TMEM184A: variants seen among roughly 807,000 people sequenced by gnomAD.
TMEM184A encodes the protein transmembrane protein 184A, also known as sexually dimorphic, expressed in male gonads 1.
Under a neutral mutation model 39.5 loss-of-function variants are expected in TMEM184A, and 40 were observed. That is an observed-to-expected ratio of 1.01 (90% CI 0.79 to 1.32). The LOEUF is 1.32. Ranked by LOEUF, TMEM184A falls within the 40% of genes most tolerant of loss-of-function variation. The probability of loss-of-function intolerance (pLI) is 0.00; values close to 1 mark genes in which losing one functional copy is unlikely to be tolerated. For synonymous variants in TMEM184A, 280 were observed against 252.3 expected (o/e 1.11, Z -1.04); for missense variants, 603 against 568.8 (o/e 1.06, Z -0.61).
intron 4 of TMEM184A, 44 bp downstream of exon 4, chr7:1,550,261 T>G: frequency 1.9e-6 from 3 of 1,609,136 alleles, no homozygotes; most frequent in Non-Finnish European, 2.5e-6. Flanking sequence ...GGGCTCCCTG[T>G]CCCAGGTGTG....
At position 1,546,768 on chromosome 7, in the gene TMEM184A, C is replaced by T; in HGVS notation, c.*184G>A. 3.7e-6 allele frequency: 2 copies of T among 537,748 alleles called. No individual in the cohort carries two copies. Among genetic ancestry groups the T allele is most frequent in the East Asian group, 3.2e-5 (1 of 31,274 alleles). The allele number at this position is 537,748 out of a possible 1,614,324, so 33.3% of individuals were successfully genotyped here. On this transcript the variant is annotated 3_prime_UTR_variant, in exon 9 of 9. Coordinates refer to ENST00000297477, the MANE Select transcript of TMEM184A (RefSeq NM_001097620.2). Reference sequence around the variant, plus strand: ...GTGGCGGGCCCACCTGGGTGCCTGCCAGGGCCATCAGGTGCCCTGACCCCC... The same window carrying T: ...GTGGCGGGCCCACCTGGGTGCCTGCTAGGGCCATCAGGTGCCCTGACCCCC...
chr7:1,553,707 T>G (rs1256281912), intron 2 of TMEM184A, among the ~76,000 whole-genome samples: 4 of 152,132 alleles, frequency 2.6e-5, no homozygotes, highest in African/African-American at 7.2e-5. Flanking sequence ...AGGGACGGCA[T>G]GACCAGCCAT....
chr7:1,550,456 GC>G, intron 3 of TMEM184A, 61 bp from the exon 4 acceptor site: 2 of 1,412,122 alleles, frequency 1.4e-6, no homozygotes. Flanking sequence ...ACCCCATGGC[GC>G]CCATCTCACC....
chr7:1,554,143 C>G (rs1416917162), intron 2 of TMEM184A, among the ~76,000 whole-genome samples: 2 of 152,164 alleles, frequency 1.3e-5, no homozygotes, highest in Non-Finnish European at 2.9e-5. Context: ...GTTCACAGCT[C>G]ACTGCAACCT....
Position 1,550,950 on chromosome 7 carries a change from TG to T in TMEM184A, c.251del (p.Pro84HisfsTer53), listed in dbSNP as rs1188820415. 1 of 1,613,162 alleles carries T rather than the reference TG, an allele frequency of 6.2e-7. No homozygotes were observed. The highest frequency in any genetic ancestry group is 1.1e-5 in the South Asian group (1 of 91,062). On this transcript the variant is annotated frameshift_variant, in exon 3 of 9. Transcript: ENST00000297477. LOFTEE classifies it high-confidence loss of function. Reference protein sequence around the residue: ...IYLHLRSYTVPQEQRYIIRLL... With the variant: ...IYLHLRSYTVXQEQRYIIRLL... ...GGCGGATGATGTAACGTTGCTCCTG[TG>T]GCACGGTGTAGGAGCGCAGGTGCAG...
In TMEM184A at chr7:1,546,908, C is replaced by G. The variant is rs763347535; in HGVS notation, c.*44G>C. ...GGGGGACCCTGTTCTTCCCCAGAGG[C>G]CTGGGCAGCCTGGGTCCCTACAGCA... On this transcript the variant is annotated 3_prime_UTR_variant, in exon 9 of 9. Transcript: ENST00000297477. 2 of 1,350,588 alleles carry G rather than the reference C, an allele frequency of 1.5e-6. No homozygotes were observed. Among genetic ancestry groups the G allele is most frequent in the Non-Finnish European group, 2.0e-6 (2 of 1,011,922 alleles). The allele number at this position is 1,350,588 out of a possible 1,614,324, so 83.7% of individuals were successfully genotyped here. A position where few individuals can be genotyped will look rare whatever the true frequency, so the allele number is the denominator to read the frequency against.
chr7:1,546,902 C>T lies in TMEM184A; in HGVS notation c.*50G>A. 1 of 1,317,940 alleles carries T rather than the reference C, an allele frequency of 7.6e-7. No homozygotes were observed. Among genetic ancestry groups the T allele is most frequent in the Non-Finnish European group, 1.0e-6 (1 of 986,228 alleles). The allele number at this position is 1,317,940 out of a possible 1,614,324, so 81.6% of individuals were successfully genotyped here. On this transcript the variant is annotated 3_prime_UTR_variant, in exon 9 of 9. Coordinates refer to ENST00000297477, the MANE Select transcript of TMEM184A (RefSeq NM_001097620.2). ...TGGGTGGGGGGACCCTGTTCTTCCC[C>T]AGAGGCCTGGGCAGCCTGGGTCCCT...
At chr7:1,551,049 C>A in intron 2 of TMEM184A, 67 bp from the exon 3 acceptor site, 1 of 395,966 alleles carries the variant, frequency 2.5e-6, no homozygotes. Flanking sequence ...CCAGGTGAGC[C>A]GGGAAGGAGG....
rs2128555549 is a variant in TMEM184A, at chr7:1,555,635, GCCAGGCCCGGC to G, written c.1-162_1-152del. ...CCGCACCCCCCACACGGACACCAGC[GCCAGGCCCGGC>G]TCCCTCCCTGCTCCGAGCTCAGCCA... On this transcript the variant is annotated intron_variant, in intron 1 of 8. Transcript: ENST00000297477. The surrounding 1 kb of genome is among the most constrained non-coding windows in gnomAD (Gnocchi z 5.2). The G allele has an allele frequency of 1.5e-6, 1 of 683,576 alleles. No homozygotes were observed. The highest frequency in any genetic ancestry group is 2.7e-5 in the East Asian group (1 of 36,780). 42.3% of individuals were successfully genotyped at this position (683,576 alleles called of 1,614,324 possible). A position where few individuals can be genotyped will look rare whatever the true frequency, so the allele number is the denominator to read the frequency against.
At chr7:1,549,154 G>T (rs774541910) in intron 6 of TMEM184A, 2 of 460,498 alleles carry the variant, frequency 4.3e-6, no homozygotes, top group Non-Finnish European at 8.7e-6. Flanking sequence ...CACATATTGC[G>T]TGCATGTGAG....
chr7:1,551,919 A>T lies in TMEM184A; in HGVS notation c.220-937T>A, dbSNP rs193066558. Among the ~76,000 whole-genome samples, 7 of 151,414 alleles carry T rather than the reference A, an allele frequency of 4.6e-5. No homozygotes were observed. In the East Asian group the frequency reaches 1.4e-3, roughly 30 times the overall value. On this transcript the variant is annotated intron_variant, in intron 2 of 8. Transcript: ENST00000297477. ...GCCACTGCACTCCAGCCTGGGCGAC[A>T]GAGCGAGACCCTTTCTCAAAAAAAA... is the stretch of plus-strand genomic sequence containing the variant.
chr7:1,555,309 G>A lies in TMEM184A; in HGVS notation c.176C>T (p.Ser59Leu), dbSNP rs764077655. 17 of 1,607,678 alleles carry A rather than the reference G, an allele frequency of 1.1e-5. No homozygotes were observed. In the Middle Eastern group the frequency reaches 5.0e-4, roughly 47 times the overall value. ...FLTSALARGV[S>L]GIFVWTALVL... ...CAGGGCAGTCCACACGAAGATCCCC[G>A]AGACGCCTCGGGCCAGTGCGGAGGT... is the stretch of plus-strand genomic sequence containing the variant. The change falls in exon 2 of 9, where the codon TCG (serine) becomes TTG (leucine). Residue 59 changes from serine (S) to leucine (L), a missense_variant. Coordinates refer to ENST00000297477, the MANE Select transcript of TMEM184A (RefSeq NM_001097620.2). This position sits in a 1 kb window ranked among gnomAD's most constrained non-coding sequence, Gnocchi z 5.2.
rs764746233 is a variant in TMEM184A at position 1,549,953 on chromosome 7, C to T, written c.553-8G>A. 168 of 1,612,062 alleles carry T rather than the reference C, an allele frequency of 1.0e-4. No homozygotes were observed. Among genetic ancestry groups the T allele is most frequent in the Non-Finnish European group, 1.4e-4 (160 of 1,179,446 alleles). Reference sequence around the variant, plus strand: ...GCAGAACTGCAGAGTGGCCTGGGGGCGACGGCACCCGGTGGGCCTGGGGCC... The same window carrying T: ...GCAGAACTGCAGAGTGGCCTGGGGGTGACGGCACCCGGTGGGCCTGGGGCC... On this transcript the variant is annotated splice_polypyrimidine_tract_variant and splice_region_variant and intron_variant, in intron 5 of 8. Coordinates refer to ENST00000297477, the MANE Select transcript of TMEM184A (RefSeq NM_001097620.2).
At chr7:1,548,175 TG>T (rs1238184327) in intron 7 of TMEM184A, among the ~76,000 whole-genome samples, 3 of 152,204 alleles carry the variant, frequency 2.0e-5, no homozygotes, top group African/African-American at 7.2e-5. Flanking sequence ...CCCCAGATCC[TG>T]GGCCCGTGCC....
Position 1,550,998 on chromosome 7 carries a change from GT to G in TMEM184A, c.220-17del. ...GCAGATAGATCTGGGCGCAGGAGGG[GT>G]CGCATGAGAGCCGGGCCCGCCTGGT... On this transcript the variant is annotated splice_polypyrimidine_tract_variant and intron_variant, in intron 2 of 8. Coordinates refer to ENST00000297477, the MANE Select transcript of TMEM184A (RefSeq NM_001097620.2). 1.3e-6 allele frequency: 2 copies of G among 1,599,064 alleles called. No homozygotes were observed. Among genetic ancestry groups the G allele is most frequent in the Non-Finnish European group, 1.7e-6 (2 of 1,173,182 alleles).
At chr7:1,548,427 G>T (rs1375979147) in intron 7 of TMEM184A, 92 bp downstream of exon 7, 41 of 1,416,224 alleles carry the variant, frequency 2.9e-5, no homozygotes, top group Non-Finnish European at 3.7e-5. Context: ...TGAAGCACGT[G>T]GGGGCTGGGG....
chr7:1,543,517 A>G lies in TMEM184A; in HGVS notation c.*3435T>C, dbSNP rs1254418037. The stretch of plus-strand genomic sequence containing the variant: ...CCGGAAGCCCGTGGACTCCTCCGAA[A>G]AGCCACGGGCCTGCCCGCATGCCGT... On this transcript the variant is annotated 3_prime_UTR_variant, in exon 9 of 9. Transcript: ENST00000297477. The G allele has an allele frequency of 6.6e-6, 1 of 152,252 alleles. No individual in the cohort carries two copies. The highest frequency in any genetic ancestry group is 6.5e-5 in the Admixed American group (1 of 15,284). The allele number at this position is 152,252 out of a possible 1,614,324, so 9.4% of individuals were successfully genotyped here.
rs1784541091 is a variant in TMEM184A, at chr7:1,550,356, T to C, written c.425A>G (p.Tyr142Cys). The C allele has an allele frequency of 1.2e-6, 2 of 1,612,822 alleles. No homozygotes were observed. The highest frequency in any genetic ancestry group is 1.7e-6 in the Non-Finnish European group (2 of 1,179,788). Residue 142 changes from tyrosine (Y) to cysteine (C), a missense_variant, in exon 4 of 9, where the codon TAC (tyrosine) becomes TGC (cysteine). Transcript: ENST00000297477. ...CATGATGGCGCCCTCGCCTCCCAGG[T>C]ACTGGAAACACAGGCTCAGGAAGCT... ...IYSFLSLCFQ[Y>C]LGGEGAIMAE...
intron 2 of TMEM184A, among the ~76,000 whole-genome samples, chr7:1,554,510 C>A (rs577780020): frequency 3.1e-4 from 47 of 152,286 alleles, no homozygotes; most frequent in African/African-American, 1.1e-3. Flanking sequence ...GGCCTACACA[C>A]GCACTCCCAC....
Sources: gnomAD v4.1 joint callset for allele counts (sites outside exome capture counted in the v4.1 genomes callset) on GRCh38, gnomAD v4.1.1 for gene constraint, Gnocchi (gnomAD v3.1) non-coding constraint, MANE v1.5 for transcripts, NCBI Gene and HGNC (gene_info 2026-07-23, HGNC 2026-07-21) for gene names.